DGKH: variants seen among roughly 807,000 people sequenced by gnomAD.
DGKH encodes the protein DAG kinase eta.
In DGKH, 90 loss-of-function variants were observed where a neutral mutation model predicts 159.3. The ratio of observed to expected loss-of-function variants is 0.57; its 90% CI spans 0.48 to 0.67. The LOEUF (loss-of-function observed/expected upper bound fraction) is 0.67, where lower values mean the gene tolerates loss of function less well. DGKH is among the 30% of genes least tolerant of loss of function. The probability of loss-of-function intolerance (pLI) is 0.00; values close to 1 mark genes in which losing one functional copy is unlikely to be tolerated. For synonymous variants in DGKH, 536 were observed against 553.8 expected (o/e 0.97, Z 0.45); for missense variants, 1,181 against 1,506.1 (o/e 0.78, Z 3.57).
intron 3 of DGKH, chr13:42,140,863 G>A (rs984524465): frequency 2.0e-5 from 3 of 151,564 alleles, no homozygotes; most frequent in African/African-American, 7.3e-5. Context: ...TGGAATAGGG[G>A]CCTAATACGG....
chr13:42,169,400 T>C (rs1956391936), intron 11 of DGKH, among the ~76,000 whole-genome samples: 1 of 152,190 alleles, frequency 6.6e-6, no homozygotes, highest in African/African-American at 2.4e-5. Flanking sequence ...TGATCACATC[T>C]CTTAATTGCT....
Position 42,209,363 on chromosome 13 carries a change from CGAA to C in DGKH, c.2750_2752del (p.Glu917del). The C allele has an allele frequency of 3.1e-6, 5 of 1,613,304 alleles. No homozygotes were observed. The highest frequency in any genetic ancestry group is 1.1e-5 in the South Asian group (1 of 90,952). On this transcript the variant is annotated inframe_deletion, in exon 23 of 30. Coordinates refer to ENST00000337343, the MANE Select transcript of DGKH (RefSeq NM_178009.5). ...CAGTGAAAATCACTATATTTGGTGA[CGAA>C]GGAGTCCCAGTGCAAGTGGATGGTG...
chr13:42,125,868 C>T (rs2137836691), intron 1 of DGKH, among the ~76,000 whole-genome samples: 1 of 152,250 alleles, frequency 6.6e-6, no homozygotes, highest in Non-Finnish European at 1.5e-5. Flanking sequence ...TCATATGTAG[C>T]AGATAATGTT....
chr13:42,194,832 T>C, intron 16 of DGKH, 53 bp from the exon 17 acceptor site: 1 of 1,561,484 alleles, frequency 6.4e-7, no homozygotes, highest in South Asian at 1.2e-5. Flanking sequence ...GGAACGTGCT[T>C]ATTTTTATAG....
intron 29 of DGKH, among the ~76,000 whole-genome samples, chr13:42,248,296 C>A (rs1958595885): frequency 6.6e-6 from 1 of 151,954 alleles, no homozygotes; most frequent in South Asian, 2.1e-4. Flanking sequence ...GTGGCACATG[C>A]CTGTAATCCC....
intron 1 of DGKH, among the ~76,000 whole-genome samples, chr13:42,068,159 T>G (rs1267868199): frequency 6.6e-6 from 1 of 152,192 alleles, no homozygotes; most frequent in Non-Finnish European, 1.5e-5. Context: ...TAGATTCGGC[T>G]AGGTAGGCAA....
intron 1 of DGKH, among the ~76,000 whole-genome samples, chr13:42,082,465 A>G (rs1227743022): frequency 1.3e-5 from 2 of 152,118 alleles, no homozygotes; most frequent in Non-Finnish European, 2.9e-5. Flanking sequence ...ATATTCAGCC[A>G]TCAATTTCTA....
intron 1 of DGKH, among the ~76,000 whole-genome samples, chr13:42,042,717 C>G (rs973421169): frequency 6.6e-6 from 1 of 152,108 alleles, no homozygotes; most frequent in African/African-American, 2.4e-5. Context: ...TGTCTTGTTT[C>G]GTATATGTTA....
chr13:42,253,936 C>T (rs1958638099), intron 30 of DGKH, among the ~76,000 whole-genome samples: 1 of 151,428 alleles, frequency 6.6e-6, no homozygotes, highest in South Asian at 2.1e-4. Context: ...TGTAAAATGC[C>T]CCCATAATAA....
At chr13:42,072,984 T>C (rs1209439759) in intron 1 of DGKH, among the ~76,000 whole-genome samples, 4 of 152,262 alleles carry the variant, frequency 2.6e-5, no homozygotes, top group Admixed American at 6.5e-5. Context: ...ATAAACTCCA[T>C]GGGGGCAGGG....
intron 1 of DGKH, among the ~76,000 whole-genome samples, chr13:42,104,566 G>T (rs372795492): frequency 2.0e-5 from 3 of 152,204 alleles, no homozygotes; most frequent in Non-Finnish European, 4.4e-5. Flanking sequence ...TTAAGAGGAT[G>T]AATCTTAAGT....
upstream of DGKH, among the ~76,000 whole-genome samples, chr13:42,047,382 GA>G (rs1880862784): frequency 1.3e-5 from 2 of 152,250 alleles, no homozygotes; most frequent in Admixed American, 1.3e-4. Flanking sequence ...CATGTCAACT[GA>G]AAAAATACGA....
intron 26 of DGKH, among the ~76,000 whole-genome samples, chr13:42,217,910 T>C (rs1177050028): frequency 6.6e-6 from 1 of 152,162 alleles, no homozygotes; most frequent in Non-Finnish European, 1.5e-5. Context: ...GGCATGCGCC[T>C]GTAAACCCAG....
intron 12 of DGKH, among the ~76,000 whole-genome samples, chr13:42,176,947 A>G (rs1217367740): frequency 6.6e-6 from 1 of 152,232 alleles, no homozygotes; most frequent in Non-Finnish European, 1.5e-5. Flanking sequence ...TTTGAGTCAA[A>G]TAGAAAAGGG....
In DGKH at chr13:42,179,517, A is replaced by C. The variant is rs560538548; in HGVS notation, c.1538+1297A>C. On this transcript the variant is annotated intron_variant, in intron 13 of 29. Transcript: ENST00000337343. ...ACCAGGTACCGTGGCTCATGCCTGTAATTCCAACACTTTGGGAGGCCAAGG... is the reference window on the plus strand; with the variant it reads ...ACCAGGTACCGTGGCTCATGCCTGTCATTCCAACACTTTGGGAGGCCAAGG... Among the ~76,000 whole-genome samples the C allele has an allele frequency of 3.3e-5, 5 of 152,322 alleles. No homozygotes were observed. In the South Asian group the frequency reaches 1.0e-3, roughly 32 times the overall value.
At position 42,070,917 on chromosome 13, in the gene DGKH, G is replaced by T; in HGVS notation, c.192+21952G>T. ...TCTTGATTTCACATAGAGCATGTTT[G>T]ACACTCTGGGGATTGGTAAGGACAA... On this transcript the variant is annotated intron_variant, in intron 1 of 29. Coordinates refer to ENST00000337343, the MANE Select transcript of DGKH (RefSeq NM_178009.5). The T allele has an allele frequency of 3.2e-6, 4 of 1,263,662 alleles. No individual in the cohort carries two copies. The South Asian group carries it at 4.8e-5, about 15-fold the overall frequency. 78.3% of individuals were successfully genotyped at this position (1,263,662 alleles called of 1,614,324 possible). A position where few individuals can be genotyped will look rare whatever the true frequency, so the allele number is the denominator to read the frequency against.
chr13:42,143,186 A>G (rs1955618410), intron 3 of DGKH, among the ~76,000 whole-genome samples: 2 of 152,104 alleles, frequency 1.3e-5, no homozygotes. Flanking sequence ...TTCTGTTTAT[A>G]TGCTGGATTA....
At chr13:42,156,464 C>T (rs552796833) in intron 5 of DGKH, among the ~76,000 whole-genome samples, 14 of 152,066 alleles carry the variant, frequency 9.2e-5, no homozygotes, top group South Asian at 4.2e-4. Context: ...TGGTCTCAAA[C>T]TCCTGGGCTC....
intron 3 of DGKH, among the ~76,000 whole-genome samples, chr13:42,146,005 A>G (rs1431009180): frequency 6.6e-6 from 1 of 152,194 alleles, no homozygotes; most frequent in African/African-American, 2.4e-5. Flanking sequence ...AAGGGTGCTA[A>G]TAATAACTAA....
Sources: gnomAD v4.1 joint callset for allele counts (sites outside exome capture counted in the v4.1 genomes callset) on GRCh38, gnomAD v4.1.1 for gene constraint, MANE v1.5 for transcripts, NCBI Gene and HGNC (gene_info 2026-07-23, HGNC 2026-07-21) for gene names.